Variants in P4HA1 observed in about 807,000 individuals in gnomAD.
P4HA1 encodes prolyl 4-hydroxylase subunit alpha-1.
In P4HA1, 24 loss-of-function variants were observed where a neutral mutation model predicts 72.8. That is an observed-to-expected ratio of 0.33 (90% CI 0.24 to 0.46). P4HA1 has a LOEUF of 0.46. Among genes scored for constraint, P4HA1 ranks in the 20% least tolerant of loss-of-function variants. P4HA1 has a pLI of 1.00. For missense variants in P4HA1, 446 were observed against 640.6 expected (o/e 0.70, Z 3.28); for synonymous variants, 201 against 218.8 (o/e 0.92, Z 0.72).
rs1171770367 is a variant in P4HA1 at position 73,008,268 on chromosome 10, C to T, written c.1559G>A (p.Arg520His). The T allele has an allele frequency of 5.6e-6, 9 of 1,602,830 alleles. No homozygotes were observed. Among genetic ancestry groups the T allele is most frequent in the African/African-American group, 1.3e-5 (1 of 74,678 alleles). Residue 520 changes from arginine (R) to histidine (H), a missense_variant, in exon 15 of 15, where the codon CGT becomes CAT. Physicochemically the swap from Arg to His is conservative, Grantham distance 29 (BLOSUM62 0). Transcript: ENST00000394890. ...KWVSNKWLHERGQEFRRPCTL... is the reference protein window; with the variant it reads ...KWVSNKWLHEHGQEFRRPCTL... ...ACAAGGTCTTCGAAATTCTTGTCCA[C>T]GTTCATGGAGCCATTTATTGGATAC...
intron 12 of P4HA1, among the ~76,000 whole-genome samples, 176 bp downstream of exon 12, chr10:73,014,048 C>A (rs1284378421): frequency 6.6e-6 from 1 of 152,164 alleles, no homozygotes; most frequent in Non-Finnish European, 1.5e-5. Flanking sequence ...TAATGAACAT[C>A]TATCTTATAG....
chr10:73,082,428 A>G (rs915446815), intron 1 of P4HA1: 7 of 152,218 alleles, frequency 4.6e-5, no homozygotes, highest in East Asian at 3.8e-4. Flanking sequence ...TCAAAAGTTT[A>G]TATCTCCCAG....
chr10:73,044,927 A>C (rs1840817234), intron 9 of P4HA1, 54 bp downstream of exon 9: 3 of 1,369,072 alleles, frequency 2.2e-6, no homozygotes, highest in Admixed American at 3.7e-5. Flanking sequence ...AATTCCTGTA[A>C]GATGTATAAA....
chr10:73,074,812 T>A lies in P4HA1; in HGVS notation c.72A>T (p.Ser24=). 5.9e-6 allele frequency: 9 copies of A among 1,513,918 alleles called. No individual in the cohort carries two copies. The highest frequency in any genetic ancestry group is 8.3e-6 in the Non-Finnish European group (9 of 1,090,440). 93.8% of individuals were successfully genotyped at this position (1,513,918 alleles called of 1,614,324 possible). Residue 24 remains serine, a synonymous_variant, in exon 2 of 15, where the codon TCA becomes TCT. Transcript: ENST00000394890. ...QSLAHPGFFT[S]IGQMTDLIHT... Reference sequence around the variant, plus strand: ...ACAACAAGTAGTAAGACTTACCAATTGAAGTAAAAAAGCCTGGATGAGCCA... The same window carrying A: ...ACAACAAGTAGTAAGACTTACCAATAGAAGTAAAAAAGCCTGGATGAGCCA...
intron 1 of P4HA1, among the ~76,000 whole-genome samples, chr10:73,088,452 G>A (rs1456453843): frequency 1.3e-5 from 2 of 152,180 alleles, no homozygotes; most frequent in Non-Finnish European, 2.9e-5. Flanking sequence ...TTGAAACCAT[G>A]TAAATACCAC....
intron 5 of P4HA1, among the ~76,000 whole-genome samples, chr10:73,058,111 AAAAAAAAAG>A (rs1178138410): frequency 2.0e-5 from 3 of 150,400 alleles, no homozygotes; most frequent in African/African-American, 7.4e-5. Flanking sequence ...AAAAAAAAAA[AAAAAAAAAG>A]GTGAATAAAG....
intron 9 of P4HA1, among the ~76,000 whole-genome samples, chr10:73,037,525 C>CTATATATATATA (rs869107512): frequency 1.7e-4 from 6 of 34,294 alleles, no homozygotes; most frequent in Non-Finnish European, 2.1e-4. Flanking sequence ...TCGAAAACCA[C>CTATATATATATA]TATATATATA....
chr10:73,080,577 A>C (rs962223634), intron 1 of P4HA1, among the ~76,000 whole-genome samples: 1 of 152,228 alleles, frequency 6.6e-6, no homozygotes, highest in African/African-American at 2.4e-5. Context: ...ATTCATTCAG[A>C]AACTTTAAGT....
At chr10:73,088,068 T>C (rs1841959004) in intron 1 of P4HA1, among the ~76,000 whole-genome samples, 1 of 152,166 alleles carries the variant, frequency 6.6e-6, no homozygotes, top group Non-Finnish European at 1.5e-5. Context: ...TCTATGAACA[T>C]TTTTTAAAAT....
intron 5 of P4HA1, among the ~76,000 whole-genome samples, chr10:73,060,895 C>T (rs1423290286): frequency 1.3e-5 from 2 of 152,038 alleles, no homozygotes; most frequent in Non-Finnish European, 2.9e-5. Flanking sequence ...CAACTCATTA[C>T]TCTGAAAACT....
chr10:73,018,975 A>G (rs1840072450), intron 10 of P4HA1, among the ~76,000 whole-genome samples: 1 of 151,900 alleles, frequency 6.6e-6, no homozygotes, highest in South Asian at 2.1e-4. Flanking sequence ...CCCCATAGCC[A>G]CTCCAAACGC....
intron 9 of P4HA1, among the ~76,000 whole-genome samples, chr10:73,033,988 C>A (rs879912710): frequency 2.0e-5 from 3 of 152,112 alleles, no homozygotes; most frequent in African/African-American, 4.8e-5. Context: ...GAAGCCAAGG[C>A]AGGAAAATCA....
intron 1 of P4HA1, among the ~76,000 whole-genome samples, chr10:73,094,900 AAC>A (rs1842126416): frequency 1.3e-5 from 2 of 152,200 alleles, no homozygotes; most frequent in African/African-American, 4.8e-5. Flanking sequence ...AAGTTACCAA[AAC>A]ACAAAATGGC....
At chr10:73,094,530 T>C (rs915600953) in intron 1 of P4HA1, among the ~76,000 whole-genome samples, 1 of 152,198 alleles carries the variant, frequency 6.6e-6, no homozygotes, top group Non-Finnish European at 1.5e-5. Flanking sequence ...CTATTATGTA[T>C]CTCACAGGTC....
chr10:73,039,854 C>CTTTTTTTTTT (rs765288935), intron 9 of P4HA1, among the ~76,000 whole-genome samples: 2 of 86,998 alleles, frequency 2.3e-5, no homozygotes, highest in Non-Finnish European at 4.2e-5. Context: ...CTGAGATGGC[C>CTTTTTTTTTT]TTTTTTTTTT....
chr10:73,016,944 T>C, intron 10 of P4HA1, 45 bp from the exon 11 acceptor site: 1 of 1,490,608 alleles, frequency 6.7e-7, no homozygotes. Flanking sequence ...CTATAAAGAT[T>C]ACTATTCAAA....
At chr10:73,017,230 T>C (rs1055232260) in intron 10 of P4HA1, among the ~76,000 whole-genome samples, 1 of 149,378 alleles carries the variant, frequency 6.7e-6, no homozygotes, top group African/African-American at 2.5e-5. Flanking sequence ...TACAGATGTA[T>C]ATATAGATAT....
At chr10:73,026,133 A>G (rs575354034) in intron 10 of P4HA1, among the ~76,000 whole-genome samples, 6 of 152,254 alleles carry the variant, frequency 3.9e-5, no homozygotes, top group South Asian at 2.1e-4. Flanking sequence ...ACCAAAAAAG[A>G]GCCCACATAG....
At chr10:73,028,058 C>G (rs572434437) in intron 10 of P4HA1, among the ~76,000 whole-genome samples, 1 of 152,008 alleles carries the variant, frequency 6.6e-6, no homozygotes, top group Non-Finnish European at 1.5e-5. Flanking sequence ...CTGAATAAAC[C>G]TGGCAGGTGT....
Sources: allele counts gnomAD v4.1 joint callset (sites outside exome capture counted in the v4.1 genomes callset), GRCh38; gene constraint gnomAD v4.1.1; transcripts MANE v1.5; gene names NCBI Gene and HGNC (gene_info 2026-07-23, HGNC 2026-07-21).